EPHA6: variants seen among roughly 807,000 people sequenced by gnomAD.
EPHA6 encodes EPH receptor A6, also known as ephrin type-A receptor 6.
A neutral mutation model predicts 112.0 loss-of-function variants in EPHA6; 50 were observed. The observed-to-expected ratio is 0.45, with a 90% CI of 0.36 to 0.56. The LOEUF (loss-of-function observed/expected upper bound fraction) is 0.56. Ranked by LOEUF, EPHA6 falls within the 20% of genes least tolerant of loss-of-function variation. The pLI, the probability that EPHA6 is intolerant of heterozygous loss-of-function variation, is 0.00. For missense variants in EPHA6, 1,280 were observed against 1,417.4 expected (o/e 0.90, Z 1.56); for synonymous variants, 529 against 490.7 (o/e 1.08, Z -1.03).
intron 5 of EPHA6, among the ~76,000 whole-genome samples, chr3:97,292,987 A>G (rs1185108565): frequency 6.7e-6 from 1 of 148,372 alleles, no homozygotes; most frequent in African/African-American, 2.5e-5. Flanking sequence ...GAGAAGACCC[A>G]TGGTGTCTAA....
chr3:96,827,646 G>A (rs139742795), intron 1 of EPHA6, among the ~76,000 whole-genome samples: 3 of 152,096 alleles, frequency 2.0e-5, no homozygotes, highest in Non-Finnish European at 4.4e-5. Flanking sequence ...CAAATGACAA[G>A]GAAAAGGCAG....
At chr3:97,155,896 C>G (rs2076278052) in intron 3 of EPHA6, among the ~76,000 whole-genome samples, 1 of 152,174 alleles carries the variant, frequency 6.6e-6, no homozygotes, top group Non-Finnish European at 1.5e-5. Flanking sequence ...GAAGCCACCT[C>G]TTCTACTCCA....
At chr3:97,138,998 C>G (rs1175343449) in intron 3 of EPHA6, among the ~76,000 whole-genome samples, 1 of 152,168 alleles carries the variant, frequency 6.6e-6, no homozygotes, top group Non-Finnish European at 1.5e-5. Flanking sequence ...TGAGTGGACT[C>G]TTGGTGCAAG....
chr3:97,022,254 A>G (rs2044487020), intron 3 of EPHA6, among the ~76,000 whole-genome samples: 1 of 152,130 alleles, frequency 6.6e-6, no homozygotes, highest in Admixed American at 6.5e-5. Flanking sequence ...GAGTTACAAC[A>G]TGTCATTATT....
At chr3:97,327,349 T>G (rs557356435) in intron 5 of EPHA6, among the ~76,000 whole-genome samples, 1 of 152,184 alleles carries the variant, frequency 6.6e-6, no homozygotes, top group African/African-American at 2.4e-5. Context: ...CCTTGTGTAC[T>G]TTGTCCTCCA....
At chr3:97,579,540 A>T (rs2093418085) in intron 11 of EPHA6, among the ~76,000 whole-genome samples, 1 of 152,146 alleles carries the variant, frequency 6.6e-6, no homozygotes, top group South Asian at 2.1e-4. Flanking sequence ...TCCAGGGTGT[A>T]CTTTCCTCCC....
At chr3:96,980,863 G>A (rs142063442) in intron 2 of EPHA6, among the ~76,000 whole-genome samples, 5 of 152,112 alleles carry the variant, frequency 3.3e-5, no homozygotes, top group Non-Finnish European at 5.9e-5. Flanking sequence ...TCTGTTATTG[G>A]TGTATAAGAA....
intron 2 of EPHA6, among the ~76,000 whole-genome samples, chr3:96,917,113 T>TACAC (rs75248192): frequency 0.031 from 4,742 of 152,144 alleles, 104 homozygotes; most frequent in Middle Eastern, 0.065. Context: ...CAACCCAGTT[T>TACAC]ACACACAAAC....
At chr3:97,049,215 T>G (rs2045608344) in intron 3 of EPHA6, among the ~76,000 whole-genome samples, 1 of 152,170 alleles carries the variant, frequency 6.6e-6, no homozygotes, top group South Asian at 2.1e-4. Flanking sequence ...TTGGAGAAAT[T>G]TGATCAGATA....
intron 2 of EPHA6, among the ~76,000 whole-genome samples, chr3:96,985,972 A>G (rs1048699252): frequency 3.9e-5 from 6 of 152,154 alleles, no homozygotes; most frequent in Non-Finnish European, 7.4e-5. Context: ...TTATCAACCA[A>G]TAGAACCCTT....
chr3:97,206,699 T>C (rs2108506830), intron 3 of EPHA6, among the ~76,000 whole-genome samples: 1 of 152,226 alleles, frequency 6.6e-6, no homozygotes, highest in South Asian at 2.1e-4. Context: ...TAATATTATC[T>C]TATAAGTTGA....
intron 2 of EPHA6, among the ~76,000 whole-genome samples, chr3:96,954,955 G>A (rs1382786128): frequency 6.6e-6 from 1 of 151,522 alleles, no homozygotes; most frequent in Non-Finnish European, 1.5e-5. Flanking sequence ...CATCTAGAAT[G>A]CTATCTGGCA....
intron 1 of EPHA6, among the ~76,000 whole-genome samples, chr3:96,835,871 C>T (rs569596629): frequency 3.6e-4 from 55 of 152,094 alleles, no homozygotes; most frequent in African/African-American, 1.3e-3. Flanking sequence ...GAATGAATCT[C>T]GTCATTTCTG....
At chr3:97,587,360 T>C (rs928565768) in intron 11 of EPHA6, among the ~76,000 whole-genome samples, 1 of 152,192 alleles carries the variant, frequency 6.6e-6, no homozygotes. Context: ...ACTGTATAAA[T>C]ACTCATTTGT....
intron 12 of EPHA6, 38 bp downstream of exon 12, chr3:97,592,775 A>G (rs760330472): frequency 6.5e-7 from 1 of 1,542,712 alleles, no homozygotes; most frequent in Admixed American, 2.2e-5. Context: ...CACCATATAC[A>G]GCAGTAGGAT....
intron 3 of EPHA6, among the ~76,000 whole-genome samples, chr3:97,166,863 C>T (rs192783716): frequency 2.0e-5 from 3 of 152,208 alleles, no homozygotes; most frequent in Non-Finnish European, 4.4e-5. Flanking sequence ...TTCAGGGAAA[C>T]AGGGAAAGGG....
chr3:97,296,827 A>G (rs2080890518), intron 5 of EPHA6, among the ~76,000 whole-genome samples: 1 of 152,114 alleles, frequency 6.6e-6, no homozygotes, highest in Non-Finnish European at 1.5e-5. Flanking sequence ...TCTGGGGTTC[A>G]GGACACTGTA....
intron 11 of EPHA6, 146 bp from the exon 12 acceptor site, chr3:97,592,466 G>T: frequency 1.1e-6 from 1 of 876,128 alleles, no homozygotes. Flanking sequence ...AATTTATGGA[G>T]TAAAAAATGC....
intron 14 of EPHA6, among the ~76,000 whole-genome samples, chr3:97,656,534 A>T (rs923564409): frequency 6.6e-6 from 1 of 151,936 alleles, no homozygotes; most frequent in South Asian, 2.1e-4. Context: ...AAAAAATTTT[A>T]AATATTATAA....
Sources: gnomAD v4.1 joint callset for allele counts (sites outside exome capture counted in the v4.1 genomes callset) on GRCh38, gnomAD v4.1.1 for gene constraint, MANE v1.5 for transcripts, NCBI Gene and HGNC (gene_info 2026-07-23, HGNC 2026-07-21) for gene names.